The following MPG variants were observed in gnomAD, a reference collection of about 807,000 sequenced individuals.
MPG encodes the protein DNA-3-methyladenine glycosylase.
MPG carries 33 observed loss-of-function variants against 31.7 expected under a neutral mutation model. The observed-to-expected ratio is 1.04, with a 90% CI of 0.79 to 1.39. The LOEUF is 1.39. Ranked by LOEUF, MPG falls within the 40% of genes most tolerant of loss-of-function variation. The pLI is 0.00. For missense variants in MPG, 455 were observed against 415.5 expected (o/e 1.10, Z -0.83); for synonymous variants, 202 against 169.2 (o/e 1.19, Z -1.51).
upstream of MPG, chr16:78,066 A>C: frequency 3.3e-6 from 1 of 305,596 alleles, no homozygotes; most frequent in East Asian, 5.2e-5. Flanking sequence ...CAGGCACCGC[A>C]TCGGGCCCGG....
rs995486482 is a variant in MPG, at chr16:78,368, C to A, written c.24+35C>A. Reference sequence around the variant, plus strand: ...CGCCTCGGCCGCCCCGCGGAACAGACGCGCCCACCCCCAGGCGCAGCAGCG... The same window carrying A: ...CGCCTCGGCCGCCCCGCGGAACAGAAGCGCCCACCCCCAGGCGCAGCAGCG... On this transcript the variant is annotated intron_variant, in intron 1 of 3. Coordinates refer to ENST00000356432, the MANE Select transcript of MPG (RefSeq NM_001015052.3). 6.7e-6 allele frequency: 8 copies of A among 1,201,310 alleles called. No homozygotes were observed. The South Asian group carries it at 1.6e-4, about 23-fold the overall frequency. 74.4% of individuals were successfully genotyped at this position (1,201,310 alleles called of 1,614,324 possible). A position where few individuals can be genotyped will look rare whatever the true frequency, so the allele number is the denominator to read the frequency against.
In MPG at chr16:78,327, G is replaced by C; in HGVS notation, c.18G>C (p.Gly6=). The change falls in exon 1 of 4, where the codon GGG becomes GGC. Residue 6 remains glycine (G), a synonymous_variant. Coordinates refer to ENST00000356432, the MANE Select transcript of MPG (RefSeq NM_001015052.3). MPARS[G]AQFCRRMGQK... is the part of the protein sequence containing the mutation. Reference sequence around the variant, plus strand: ...GCCGCCGGATGCCCGCGCGCAGCGGGGCCCAGGTGAGCGCGCGCCTCGGCC... The same window carrying C: ...GCCGCCGGATGCCCGCGCGCAGCGGCGCCCAGGTGAGCGCGCGCCTCGGCC... 1 of 1,280,592 alleles carries C rather than the reference G, an allele frequency of 7.8e-7. No individual in the cohort carries two copies. The highest frequency in any genetic ancestry group is 9.9e-7 in the Non-Finnish European group (1 of 1,013,394). The allele number at this position is 1,280,592 out of a possible 1,614,324, so 79.3% of individuals were successfully genotyped here. A position where few individuals can be genotyped will look rare whatever the true frequency, so the allele number is the denominator to read the frequency against.
chr16:85,243 G>A, intron 3 of MPG, 158 bp from the exon 4 acceptor site: 3 of 865,206 alleles, frequency 3.5e-6, no homozygotes, highest in South Asian at 3.4e-5. Context: ...CTCCCACCAG[G>A]TCAGACCCAG....
In MPG at chr16:85,831, T is replaced by G; in HGVS notation, c.*54T>G. ...TAATTGTTTAAAAACCGAATAAATG[T>G]TTTATTTCTAGAAAACTGTGCCTTA... On this transcript the variant is annotated 3_prime_UTR_variant, in exon 4 of 4. Transcript: ENST00000356432. 7.0e-7 allele frequency: 1 copy of G among 1,430,166 alleles called. No individual in the cohort carries two copies. Among genetic ancestry groups the G allele is most frequent in the Non-Finnish European group, 9.2e-7 (1 of 1,089,396 alleles). The allele number at this position is 1,430,166 out of a possible 1,614,324, so 88.6% of individuals were successfully genotyped here.
chr16:78,357 C>T, intron 1 of MPG, 24 bp downstream of exon 1: 5 of 1,227,332 alleles, frequency 4.1e-6, no homozygotes, highest in South Asian at 3.3e-5. Context: ...TCGGCCGCCC[C>T]GCGGAACAGA....
intron 1 of MPG, among the ~76,000 whole-genome samples, chr16:78,962 C>G (rs1254365702): frequency 6.6e-6 from 1 of 151,726 alleles, no homozygotes; most frequent in Non-Finnish European, 1.5e-5. Flanking sequence ...TCACCCCTCC[C>G]TGTGTGTCCG....
chr16:79,693 T>TGGGACAGGTAATGTGAACATAGCAGCGA lies in MPG; in HGVS notation c.297_300+24dup. On this transcript the variant is annotated stop_gained and frameshift_variant, in exon 2 of 4. Coordinates refer to ENST00000356432, the MANE Select transcript of MPG (RefSeq NM_001015052.3). LOFTEE classifies it high-confidence loss of function. ...GCAGTCCCCCTGGCCCGGGCATTTC[T>TGGGACAGGTAATGTGAACATAGCAGCGA]GGGACAGGTAATGTGAACATAGCAG... 1 of 1,558,152 alleles carries TGGGACAGGTAATGTGAACATAGCAGCGA rather than the reference T, an allele frequency of 6.4e-7. No individual in the cohort carries two copies. The highest frequency in any genetic ancestry group is 8.7e-7 in the Non-Finnish European group (1 of 1,149,744).
chr16:83,241 A>C lies in MPG; in HGVS notation c.490A>C (p.Asn164His). 1 of 1,611,888 alleles carries C rather than the reference A, an allele frequency of 6.2e-7. No homozygotes were observed. Among genetic ancestry groups the C allele is most frequent in the Non-Finnish European group, 8.5e-7 (1 of 1,179,226 alleles). Residue 164 changes from asparagine to histidine, a missense_variant, in exon 3 of 4, where the codon AAC (asparagine) becomes CAC (histidine). Asn to His is a moderately conservative substitution (Grantham distance 68). Coordinates refer to ENST00000356432, the MANE Select transcript of MPG (RefSeq NM_001015052.3). ...YIIYGMYFCM[N>H]ISSQGDGACV... ...CATTTACGGCATGTACTTCTGCATG[A>C]ACATCTCCAGCCAGGGTGAGCAGTG...
In MPG at chr16:83,439, G is replaced by A. The variant is rs1248626019; in HGVS notation, c.505+183G>A. On this transcript the variant is annotated intron_variant, in intron 3 of 3. Transcript: ENST00000356432. ...CGGGGCAGGGCTGGTTAGGTTAAAG[G>A]GGTAGAAAGGGCCGGGTGGGGCCGG... 4.7e-6 allele frequency: 3 copies of A among 633,550 alleles called. No homozygotes were observed. In the Admixed American group the frequency reaches 9.3e-5, roughly 20 times the overall value. The allele number at this position is 633,550 out of a possible 1,614,324, so 39.2% of individuals were successfully genotyped here.
chr16:78,207 C>A, upstream of MPG: 1 of 1,109,156 alleles, frequency 9.0e-7, no homozygotes, highest in Non-Finnish European at 1.2e-6. Flanking sequence ...CCCTTCTGCG[C>A]AGGCGCCGCT....
intron 3 of MPG, 25 bp from the exon 4 acceptor site, chr16:85,376 C>T (rs940988565): frequency 6.7e-5 from 106 of 1,573,896 alleles, no homozygotes; most frequent in Non-Finnish European, 9.0e-5. Context: ...AGGGAGGCTC[C>T]ACTTCCAAAC....
chr16:85,400 GGGGACGGGGCTTGCGTCTTGC>G lies in MPG; in HGVS notation c.506_526del (p.Gly169_Leu176delinsVal). The G allele has an allele frequency of 6.2e-7, 1 of 1,600,526 alleles. No homozygotes were observed. On this transcript the variant is annotated inframe_deletion and splice_region_variant, in exon 4 of 4. Coordinates refer to ENST00000356432, the MANE Select transcript of MPG (RefSeq NM_001015052.3). Reference sequence around the variant, plus strand: ...CCACTTCCAAACTGTCCGTCCCACAGGGGACGGGGCTTGCGTCTTGCTGCGAGCACTGGAGCCCCTGGAAGG... The same window carrying G: ...CCACTTCCAAACTGTCCGTCCCACAGTGCGAGCACTGGAGCCCCTGGAAGG...
chr16:78,435 GC>G, intron 1 of MPG, 102 bp downstream of exon 1: 1 of 1,003,008 alleles, frequency 1.0e-6, no homozygotes, highest in Non-Finnish European at 1.3e-6. Flanking sequence ...CGGGCGTAGC[GC>G]CCACCGCCCC....
intron 2 of MPG, chr16:79,952 G>A: frequency 1.8e-6 from 1 of 567,428 alleles, no homozygotes; most frequent in Non-Finnish European, 3.1e-6. Context: ...CCCCGGCTCT[G>A]GGCATCTAGG....
At position 78,924 on chromosome 16, in the gene MPG, C is replaced by T. The variant is rs1408828041; in HGVS notation, c.25-501C>T. Among the ~76,000 whole-genome samples the T allele has an allele frequency of 2.0e-5, 3 of 152,222 alleles. No individual in the cohort carries two copies. In the East Asian group the frequency reaches 5.8e-4, roughly 29 times the overall value. On this transcript the variant is annotated intron_variant, in intron 1 of 3. Coordinates refer to ENST00000356432, the MANE Select transcript of MPG (RefSeq NM_001015052.3). The stretch of plus-strand genomic sequence containing the variant: ...CATGAAGCAGAGGACAGTTAGGGAC[C>T]CTGAGCACGCGGTGGTCACCCCGGT...
At chr16:77,602 G>A (rs1300522215), upstream of MPG, among the ~76,000 whole-genome samples, 1 of 152,212 alleles carries the variant, frequency 6.6e-6, no homozygotes, top group Non-Finnish European at 1.5e-5. Context: ...AGCATCCCTG[G>A]GCGGAAAGAG....
intron 2 of MPG, among the ~76,000 whole-genome samples, chr16:82,373 C>G (rs1898274167): frequency 6.6e-6 from 1 of 152,214 alleles, no homozygotes; most frequent in Non-Finnish European, 1.5e-5. Context: ...GCTGACCTAT[C>G]TGGCCTAAAA....
chr16:81,675 A>G (rs1250956628), intron 2 of MPG, among the ~76,000 whole-genome samples: 1 of 126,432 alleles, frequency 7.9e-6, no homozygotes. Flanking sequence ...GGCCTCCTGA[A>G]TGCTCCCCAC....
intron 3 of MPG, among the ~76,000 whole-genome samples, chr16:83,715 T>TGGGTGA (rs1898324998): frequency 7.3e-6 from 1 of 137,824 alleles, no homozygotes; most frequent in African/African-American, 2.8e-5. Context: ...CACTCCAGCC[T>TGGGTGA]GGGTGACAGA....
Sources: gnomAD v4.1 joint callset for allele counts (sites outside exome capture counted in the v4.1 genomes callset) on GRCh38, gnomAD v4.1.1 for gene constraint, MANE v1.5 for transcripts, NCBI Gene and HGNC (gene_info 2026-07-23, HGNC 2026-07-21) for gene names.